The following SRBD1 variants were observed in gnomAD, a reference collection of about 807,000 sequenced individuals.
SRBD1 encodes S1 RNA-binding domain-containing protein 1.
In SRBD1, 88 loss-of-function variants were observed where a neutral mutation model predicts 115.3. That is an observed-to-expected ratio of 0.76 (90% CI 0.64 to 0.91). The LOEUF (loss-of-function observed/expected upper bound fraction) is 0.91, where lower values mean the gene tolerates loss of function less well. Ranked by LOEUF, SRBD1 falls within the 40% of genes least tolerant of loss-of-function variation. The probability of loss-of-function intolerance (pLI) is 0.00; values close to 1 mark genes in which losing one functional copy is unlikely to be tolerated. For synonymous variants in SRBD1, 509 were observed against 407.7 expected (o/e 1.25, Z -2.99); for missense variants, 1,385 against 1,177.4 (o/e 1.18, Z -2.58).
intron 1 of SRBD1, among the ~76,000 whole-genome samples, chr2:45,608,952 C>T (rs761182400): frequency 2.0e-5 from 3 of 151,970 alleles, no homozygotes; most frequent in Non-Finnish European, 2.9e-5. Flanking sequence ...GGATTACAGG[C>T]GTGTACCACC....
chr2:45,562,283 A>G (rs1672690075), intron 10 of SRBD1, among the ~76,000 whole-genome samples: 1 of 152,098 alleles, frequency 6.6e-6, no homozygotes, highest in Non-Finnish European at 1.5e-5. Flanking sequence ...GCTGGAGTGC[A>G]GTGGTGTGAT....
chr2:45,524,200 A>G (rs563459955), intron 14 of SRBD1, among the ~76,000 whole-genome samples: 2 of 152,140 alleles, frequency 1.3e-5, no homozygotes, highest in South Asian at 4.1e-4. Flanking sequence ...CAACAACACA[A>G]TTAATGATGA....
intron 14 of SRBD1, among the ~76,000 whole-genome samples, chr2:45,538,057 T>A (rs1342062052): frequency 2.0e-5 from 3 of 152,122 alleles, no homozygotes; most frequent in Admixed American, 6.6e-5. Flanking sequence ...ACAGATTCTG[T>A]CCAAGAGGAC....
At chr2:45,449,039 TA>T (rs1449267498) in intron 16 of SRBD1, among the ~76,000 whole-genome samples, 1 of 152,230 alleles carries the variant, frequency 6.6e-6, no homozygotes, top group Non-Finnish European at 1.5e-5. Context: ...CACATTTTAT[TA>T]AAAATTCTTT....
chr2:45,521,477 T>C (rs1439954625), intron 14 of SRBD1, among the ~76,000 whole-genome samples: 1 of 152,010 alleles, frequency 6.6e-6, no homozygotes, highest in South Asian at 2.1e-4. Flanking sequence ...CTACTAGATG[T>C]CTATAATTTT....
rs1666925543 is a variant in SRBD1, at chr2:45,389,127, G to A, written c.*183C>T. On this transcript the variant is annotated 3_prime_UTR_variant, in exon 21 of 21. Coordinates refer to ENST00000263736, the MANE Select transcript of SRBD1 (RefSeq NM_018079.5). Reference sequence around the variant, plus strand: ...TTAGTTGTTTCCTTTAAGGGAAAAGGAAATCAAACTGTTGGTTTTCTATTT... The same window carrying A: ...TTAGTTGTTTCCTTTAAGGGAAAAGAAAATCAAACTGTTGGTTTTCTATTT... 1.4e-6 allele frequency: 1 copy of A among 707,162 alleles called. No individual in the cohort carries two copies. Among genetic ancestry groups the A allele is most frequent in the Non-Finnish European group, 2.3e-6 (1 of 441,204 alleles). 43.8% of individuals were successfully genotyped at this position (707,162 alleles called of 1,614,324 possible).
chr2:45,481,984 A>G (rs1482449227), intron 15 of SRBD1, among the ~76,000 whole-genome samples: 3 of 152,136 alleles, frequency 2.0e-5, no homozygotes, highest in Non-Finnish European at 2.9e-5. Flanking sequence ...AAAGGAAGTG[A>G]TTGCTAATGG....
At position 45,551,269 on chromosome 2, in the gene SRBD1, A is replaced by G; in HGVS notation, c.1531T>C (p.Ser511Pro). 6.3e-7 allele frequency: 1 copy of G among 1,597,278 alleles called. No individual in the cohort carries two copies. The highest frequency in any genetic ancestry group is 2.2e-5 in the East Asian group (1 of 44,468). ...LCREFRAKLT[S>P]DAEKESVMMF... ...ATTACTGATTCCTTCTCTGCATCTGATGTTAGTTTGGCTCTTTAGAAATAG... is the reference window on the plus strand; with the variant it reads ...ATTACTGATTCCTTCTCTGCATCTGGTGTTAGTTTGGCTCTTTAGAAATAG... The change falls in exon 12 of 21, where the codon TCA (serine) becomes CCA (proline). Residue 511 changes from serine to proline, a missense_variant. Ser to Pro is a moderately conservative substitution (Grantham distance 74). Transcript: ENST00000263736.
intron 19 of SRBD1, among the ~76,000 whole-genome samples, chr2:45,397,356 T>G (rs907618412): frequency 6.6e-6 from 1 of 152,194 alleles, no homozygotes; most frequent in Middle Eastern, 3.2e-3. Flanking sequence ...TCTTTAAAAT[T>G]TATTACTATT....
intron 16 of SRBD1, among the ~76,000 whole-genome samples, chr2:45,429,911 T>C (rs1274419068): frequency 1.3e-5 from 2 of 152,030 alleles, no homozygotes; most frequent in African/African-American, 2.4e-5. Flanking sequence ...CAGCCCAAAA[T>C]CTCCTTAAGC....
intron 14 of SRBD1, among the ~76,000 whole-genome samples, chr2:45,514,692 C>A (rs944675119): frequency 6.6e-6 from 1 of 152,104 alleles, no homozygotes; most frequent in Non-Finnish European, 1.5e-5. Flanking sequence ...TGTCTGAGTT[C>A]TTCTGGCTCT....
At chr2:45,424,309 A>G (rs1668090150) in intron 16 of SRBD1, among the ~76,000 whole-genome samples, 1 of 152,090 alleles carries the variant, frequency 6.6e-6, no homozygotes. Context: ...CCCTCCTACT[A>G]AGTACAGAAT....
In SRBD1 at chr2:45,551,243, C is replaced by A. The variant is rs1672289220; in HGVS notation, c.1557G>T (p.Met519Ile). 6.2e-7 allele frequency: 1 copy of A among 1,610,314 alleles called. No homozygotes were observed. The highest frequency in any genetic ancestry group is 1.7e-5 in the Admixed American group (1 of 58,800). Residue 519 changes from methionine (M) to isoleucine (I), a missense_variant, in exon 12 of 21, where the codon ATG becomes ATT. Physicochemically the swap from Met to Ile is conservative, Grantham distance 10 (BLOSUM62 1). Transcript: ENST00000263736. ...GCTGACGAAGGTTCCGTCCAAACAT[C>A]ATTACTGATTCCTTCTCTGCATCTG... ...LTSDAEKESV[M>I]MFGRNLRQLL...
intron 16 of SRBD1, among the ~76,000 whole-genome samples, chr2:45,474,750 C>T (rs1044338632): frequency 1.3e-5 from 2 of 152,132 alleles, no homozygotes; most frequent in South Asian, 2.1e-4. Context: ...GAGTGTGATT[C>T]CCCATGCTTA....
intron 15 of SRBD1, among the ~76,000 whole-genome samples, chr2:45,477,965 CCTT>C (rs1434846171): frequency 2.3e-5 from 1 of 43,938 alleles, no homozygotes; most frequent in Non-Finnish European, 4.7e-5. Context: ...CATTTATTGT[CCTT>C]TTTTTTTTTA....
chr2:45,492,790 A>T (rs1201071388), intron 14 of SRBD1, among the ~76,000 whole-genome samples: 1 of 152,178 alleles, frequency 6.6e-6, no homozygotes, highest in Non-Finnish European at 1.5e-5. Flanking sequence ...ACCTTCATTT[A>T]CAAGATTTCA....
intron 6 of SRBD1, 148 bp downstream of exon 6, chr2:45,581,545 T>C (rs1331946284): frequency 1.7e-6 from 1 of 602,992 alleles, no homozygotes; most frequent in Non-Finnish European, 2.8e-6. Context: ...CTATAAATAT[T>C]TATTGAATAA....
At chr2:45,417,006 T>G (rs1057428665) in intron 18 of SRBD1, among the ~76,000 whole-genome samples, 2 of 152,218 alleles carry the variant, frequency 1.3e-5, no homozygotes, top group East Asian at 3.8e-4. Flanking sequence ...CACAAACTCC[T>G]GGCCTCAGGT....
intron 14 of SRBD1, among the ~76,000 whole-genome samples, chr2:45,516,506 T>C (rs1224157092): frequency 6.6e-6 from 1 of 152,208 alleles, no homozygotes; most frequent in African/African-American, 2.4e-5. Flanking sequence ...TTAAATTATG[T>C]AACACACACA....
Sources: allele counts gnomAD v4.1 joint callset (sites outside exome capture counted in the v4.1 genomes callset), GRCh38; gene constraint gnomAD v4.1.1; transcripts MANE v1.5; gene names NCBI Gene and HGNC (gene_info 2026-07-23, HGNC 2026-07-21).